MYOM1: variants seen among roughly 807,000 people sequenced by gnomAD.
The protein encoded by MYOM1 is myomesin-1.
A neutral mutation model predicts 205.3 loss-of-function variants in MYOM1; 164 were observed. The ratio of observed to expected loss-of-function variants is 0.80; its 90% CI spans 0.70 to 0.91. The LOEUF (loss-of-function observed/expected upper bound fraction) is 0.91, where lower values mean the gene tolerates loss of function less well. MYOM1 is among the 40% of genes least tolerant of loss of function. The pLI, the probability that MYOM1 is intolerant of heterozygous loss-of-function variation, is 0.00. For synonymous variants in MYOM1, 772 were observed against 789.4 expected (o/e 0.98, Z 0.37); for missense variants, 2,011 against 2,127.3 (o/e 0.95, Z 1.08).
At chr18:3,158,401 T>C (rs2080332775) in intron 10 of MYOM1, among the ~76,000 whole-genome samples, 1 of 152,206 alleles carries the variant, frequency 6.6e-6, no homozygotes, top group African/African-American at 2.4e-5. Flanking sequence ...CAAACATTTT[T>C]TTCACCTCTG....
chr18:3,126,770 C>T lies in MYOM1; in HGVS notation c.2922G>A (p.Glu974=). The part of the protein sequence containing the change: ...EITGYYVNYR[E]VIDGVPGKWR... ...ATTTTCCTGGTACCCCATCAATGAC[C>T]TCGCGATAGTTCACATAATAGCCAG... Residue 974 remains glutamate, a synonymous_variant, in exon 19 of 38, where the codon GAG becomes GAA. Transcript: ENST00000356443. The T allele has an allele frequency of 6.2e-7, 1 of 1,613,894 alleles. No individual in the cohort carries two copies. The highest frequency in any genetic ancestry group is 1.1e-5 in the South Asian group (1 of 91,056).
At chr18:3,116,789 T>C (rs2079613258) in intron 20 of MYOM1, among the ~76,000 whole-genome samples, 1 of 152,226 alleles carries the variant, frequency 6.6e-6, no homozygotes, top group Non-Finnish European at 1.5e-5. Context: ...CTTCAGGCCA[T>C]TCTCTGGCCT....
chr18:3,180,589 T>A (rs1348640502), intron 5 of MYOM1, among the ~76,000 whole-genome samples: 1 of 152,212 alleles, frequency 6.6e-6, no homozygotes, highest in South Asian at 2.1e-4. Context: ...TGAGTAGTCA[T>A]CGGCTAATTT....
At chr18:3,099,786 T>C (rs1292377473) in intron 25 of MYOM1, among the ~76,000 whole-genome samples, 3 of 152,210 alleles carry the variant, frequency 2.0e-5, no homozygotes, top group South Asian at 2.1e-4. Flanking sequence ...CCAATCTTAC[T>C]TAGGAAAAGA....
rs1277850736 is a variant in MYOM1 at position 3,094,354 on chromosome 18, T to C, written c.3728-48A>G. 18 of 1,443,368 alleles carry C rather than the reference T, an allele frequency of 1.2e-5. No homozygotes were observed. In the East Asian group the frequency reaches 1.4e-4, roughly 11 times the overall value. The allele number at this position is 1,443,368 out of a possible 1,614,324, so 89.4% of individuals were successfully genotyped here. On this transcript the variant is annotated intron_variant, in intron 25 of 37. Transcript: ENST00000356443. ...CAGTAATTATATTGGTAACCAATTA[T>C]ATTGGTACTCATTTTCCATCAAGTG...
chr18:3,193,774 T>C (rs1167890421), intron 3 of MYOM1, 44 bp downstream of exon 3: 7 of 1,594,810 alleles, frequency 4.4e-6, no homozygotes, highest in Non-Finnish European at 4.3e-6. Flanking sequence ...GCACTTACTA[T>C]ATACTTCTTA....
intron 16 of MYOM1, among the ~76,000 whole-genome samples, chr18:3,133,973 C>G (rs928864911): frequency 1.3e-5 from 2 of 152,160 alleles, no homozygotes; most frequent in African/African-American, 4.8e-5. Flanking sequence ...AGGAATTCTC[C>G]CACTTCAACC....
intron 20 of MYOM1, among the ~76,000 whole-genome samples, chr18:3,118,045 A>C (rs2143824937): frequency 6.6e-6 from 1 of 152,210 alleles, no homozygotes; most frequent in Admixed American, 6.5e-5. Flanking sequence ...GCTGTTTCCT[A>C]GCAGCTCTAG....
intron 12 of MYOM1, 77 bp from the exon 13 acceptor site, chr18:3,149,278 G>A (rs1341430692): frequency 3.2e-6 from 4 of 1,254,500 alleles, no homozygotes; most frequent in Admixed American, 1.9e-5. Flanking sequence ...AATTGGGAAA[G>A]TGGCCAGATT....
intron 8 of MYOM1, among the ~76,000 whole-genome samples, chr18:3,173,628 G>C (rs1335444527): frequency 6.7e-6 from 1 of 149,964 alleles, no homozygotes; most frequent in Non-Finnish European, 1.5e-5. Flanking sequence ...GTTTGGTTAA[G>C]TCGTTCTGCC....
rs1567886124 is a variant in MYOM1 at position 3,067,281 on chromosome 18, C to T, written c.5039G>A (p.Gly1680Asp). 6.2e-7 allele frequency: 1 copy of T among 1,605,926 alleles called. No individual in the cohort carries two copies. Among genetic ancestry groups the T allele is most frequent in the Non-Finnish European group, 8.5e-7 (1 of 1,177,014 alleles). The part of the protein sequence containing the change: ...ARMAALESLK[G>D]GKKAK Reference sequence around the variant, plus strand: ...CTCCGGTCACTTGGCCTTCTTGCCACCTTTCAGGGACTCCAAGGCGGCCAT... The same window carrying T: ...CTCCGGTCACTTGGCCTTCTTGCCATCTTTCAGGGACTCCAAGGCGGCCAT... Residue 1680 changes from glycine to aspartate, a missense_variant, in exon 38 of 38, where the codon GGT (glycine) becomes GAT (aspartate). Transcript: ENST00000356443.
intron 12 of MYOM1, among the ~76,000 whole-genome samples, chr18:3,150,146 G>T (rs187165940): frequency 0.01 from 1,540 of 152,200 alleles, 9 homozygotes; most frequent in Non-Finnish European, 0.017. Flanking sequence ...TGCAACCTCC[G>T]CCTCCCGGGT....
intron 34 of MYOM1, among the ~76,000 whole-genome samples, chr18:3,077,178 AT>A (rs1203321682): frequency 1.3e-5 from 2 of 151,040 alleles, no homozygotes; most frequent in Non-Finnish European, 2.9e-5. Flanking sequence ...ACACCTAGCT[AT>A]TTTTACATTT....
At chr18:3,131,351 T>C (rs370168424) in intron 17 of MYOM1, 24 bp downstream of exon 17, 79 of 1,612,140 alleles carry the variant, frequency 4.9e-5, no homozygotes, top group Non-Finnish European at 6.5e-5. Context: ...TTTTCCCCCA[T>C]ACAGTTATGC....
chr18:3,191,067 G>C (rs1471382184), intron 3 of MYOM1, among the ~76,000 whole-genome samples: 1 of 152,194 alleles, frequency 6.6e-6, no homozygotes, highest in Non-Finnish European at 1.5e-5. Flanking sequence ...TTAAGTAAAA[G>C]TCAGGATTTA....
At chr18:3,237,221 T>C in the MYOM1 span, among the ~76,000 whole-genome samples, 32 of 152,116 alleles carry the variant, frequency 2.1e-4, no homozygotes, top group Non-Finnish European at 4.6e-4. Flanking sequence ...AGCTAAAATG[T>C]AGAAGCAACC....
intron 22 of MYOM1, among the ~76,000 whole-genome samples, chr18:3,104,505 CTTGA>C (rs138044204): frequency 0.22 from 32,768 of 151,850 alleles, 3,689 homozygotes; most frequent in African/African-American, 0.27. Context: ...GCTTAAGAAT[CTTGA>C]TTGTGAAAGA....
intron 9 of MYOM1, among the ~76,000 whole-genome samples, chr18:3,165,157 GATTCTAGAACCTAGAATAAA>G (rs2080449880): frequency 6.6e-6 from 1 of 152,178 alleles, no homozygotes; most frequent in Admixed American, 6.5e-5. Flanking sequence ...GATGACTCCA[GATTCTAGAACCTAGAATAAA>G]GGGACAATCT....
At chr18:3,133,233 A>G (rs1306934804) in intron 16 of MYOM1, among the ~76,000 whole-genome samples, 1 of 152,002 alleles carries the variant, frequency 6.6e-6, no homozygotes, top group African/African-American at 2.4e-5. Flanking sequence ...TCCCTAATTA[A>G]TCATTTATCT....
Sources: gnomAD v4.1 joint callset for allele counts (sites outside exome capture counted in the v4.1 genomes callset) on GRCh38, gnomAD v4.1.1 for gene constraint, MANE v1.5 for transcripts, NCBI Gene and HGNC (gene_info 2026-07-23, HGNC 2026-07-21) for gene names.